Variants in KHDRBS2 observed in about 807,000 individuals in gnomAD.
The protein encoded by KHDRBS2 is KH domain-containing, RNA-binding, signal transduction-associated protein 2.
A neutral mutation model predicts 44.3 loss-of-function variants in KHDRBS2; 26 were observed. The ratio of observed to expected loss-of-function variants is 0.59; its 90% confidence interval spans 0.43 to 0.81. The LOEUF (loss-of-function observed/expected upper bound fraction) is 0.81, where lower values mean the gene tolerates loss of function less well. KHDRBS2 is among the 40% of genes least tolerant of loss of function. The pLI, the probability that KHDRBS2 is intolerant of heterozygous loss-of-function variation, is 0.00. For synonymous variants in KHDRBS2, 194 were observed against 151.1 expected, an observed-to-expected ratio of 1.28 and a Z score of -2.08; for missense variants, 476 against 433.1, an observed-to-expected ratio of 1.10 and a Z score of -0.88.
intron 2 of KHDRBS2, among the ~76,000 whole-genome samples, chr6:62,156,159 C>T (rs953685664): frequency 1.3e-5 from 2 of 152,106 alleles, no homozygotes; most frequent in African/African-American, 4.8e-5. Flanking sequence ...CACTTCATAG[C>T]TCAGGTACCG....
chr6:61,583,970 T>A, the KHDRBS2 span, among the ~76,000 whole-genome samples: 2 of 151,682 alleles, frequency 1.3e-5, no homozygotes, highest in African/African-American at 2.4e-5. Context: ...ATGTTTTGAA[T>A]GCTATTGTAG....
chr6:62,079,652 C>T (rs918740575), intron 2 of KHDRBS2, among the ~76,000 whole-genome samples: 4 of 151,978 alleles, frequency 2.6e-5, no homozygotes, highest in Non-Finnish European at 5.9e-5. Flanking sequence ...TTTCGAATTA[C>T]TTAATCCCAT....
chr6:61,946,578 C>T (rs1249250492), intron 4 of KHDRBS2, among the ~76,000 whole-genome samples: 2 of 152,086 alleles, frequency 1.3e-5, no homozygotes, highest in African/African-American at 2.4e-5. Flanking sequence ...TCAGATGACT[C>T]ATATGAACAT....
intron 6 of KHDRBS2, among the ~76,000 whole-genome samples, chr6:61,763,515 C>A (rs1211444117): frequency 2.0e-5 from 3 of 152,100 alleles, no homozygotes; most frequent in Non-Finnish European, 2.9e-5. Context: ...GAATTTCCGA[C>A]CAAGTTCTAA....
At chr6:61,888,554 CTAATTCCTT>C (rs1445452719) in intron 6 of KHDRBS2, among the ~76,000 whole-genome samples, 3 of 139,320 alleles carry the variant, frequency 2.2e-5, no homozygotes, top group Admixed American at 7.8e-5. Flanking sequence ...TTATAGTTTT[CTAATTCCTT>C]TTTTTTTTTT....
At chr6:61,648,315 CTT>C in the KHDRBS2 span, among the ~76,000 whole-genome samples, 1 of 151,984 alleles carries the variant, frequency 6.6e-6, no homozygotes, top group African/African-American at 2.4e-5. Flanking sequence ...ATCCTAATGT[CTT>C]TGTTTAGATA....
intron 5 of KHDRBS2, among the ~76,000 whole-genome samples, chr6:61,899,620 T>C (rs1803552026): frequency 6.6e-6 from 1 of 151,768 alleles, no homozygotes; most frequent in Admixed American, 6.6e-5. Context: ...TCTTATATGG[T>C]CCACTCAAAA....
At chr6:62,134,510 G>C (rs765159789) in intron 2 of KHDRBS2, among the ~76,000 whole-genome samples, 23 of 152,192 alleles carry the variant, frequency 1.5e-4, no homozygotes, top group Non-Finnish European at 3.2e-4. Flanking sequence ...TCCCCACACA[G>C]AGTCCCCACT....
intron 6 of KHDRBS2, among the ~76,000 whole-genome samples, chr6:61,747,468 A>C (rs1463992849): frequency 6.6e-6 from 1 of 152,186 alleles, no homozygotes; most frequent in East Asian, 1.9e-4. Flanking sequence ...TATTTTTTCA[A>C]TTAGAAAGAA....
chr6:62,260,356 T>C (rs568339482), intron 1 of KHDRBS2, among the ~76,000 whole-genome samples: 8 of 152,130 alleles, frequency 5.3e-5, no homozygotes, highest in Admixed American at 5.2e-4. Flanking sequence ...AAGGGTAGAA[T>C]GACCTTTTGT....
At chr6:61,598,515 C>G in the KHDRBS2 span, among the ~76,000 whole-genome samples, 1 of 152,124 alleles carries the variant, frequency 6.6e-6, no homozygotes, top group Non-Finnish European at 1.5e-5. Context: ...GCCCCATAGA[C>G]AGAAGATTAA....
chr6:61,622,866 T>C, the KHDRBS2 span, among the ~76,000 whole-genome samples: 1 of 151,974 alleles, frequency 6.6e-6, no homozygotes, highest in Non-Finnish European at 1.5e-5. Flanking sequence ...AAGCCAGGGC[T>C]GATGGTCAGA....
At chr6:61,918,667 T>A (rs1252430857) in intron 4 of KHDRBS2, among the ~76,000 whole-genome samples, 1 of 151,954 alleles carries the variant, frequency 6.6e-6, no homozygotes, top group Non-Finnish European at 1.5e-5. Flanking sequence ...GTTAGGACAG[T>A]CTGAGCTAAG....
intron 1 of KHDRBS2, among the ~76,000 whole-genome samples, chr6:62,267,933 A>G (rs1209428082): frequency 6.6e-6 from 1 of 152,086 alleles, no homozygotes; most frequent in Non-Finnish European, 1.5e-5. Flanking sequence ...CATAAGACGA[A>G]ATCGATATTT....
intron 1 of KHDRBS2, among the ~76,000 whole-genome samples, chr6:62,203,592 A>T (rs754292710): frequency 1.3e-4 from 20 of 152,044 alleles, no homozygotes; most frequent in Non-Finnish European, 2.2e-4. Context: ...TTTGTGTAAG[A>T]TGTTATGAGC....
intron 6 of KHDRBS2, chr6:61,816,662 ATC>A: frequency 4.5e-6 from 2 of 441,114 alleles, no homozygotes; most frequent in Non-Finnish European, 9.2e-6. Context: ...TACAAGCGTT[ATC>A]TGTTTTGAAA....
At chr6:61,993,665 ATATATATATTTTTTTT>A (rs1251395079) in intron 3 of KHDRBS2, among the ~76,000 whole-genome samples, 34 of 123,710 alleles carry the variant, frequency 2.7e-4, no homozygotes, top group East Asian at 1.0e-3. Context: ...ATATATATAT[ATATATATATTTTTTTT>A]TTTTGATGTG....
chr6:61,565,748 C>A, the KHDRBS2 span, among the ~76,000 whole-genome samples: 8 of 151,986 alleles, frequency 5.3e-5, no homozygotes, highest in Non-Finnish European at 8.8e-5. Context: ...AATGTTTATA[C>A]ACATTTTTAT....
intron 4 of KHDRBS2, among the ~76,000 whole-genome samples, chr6:61,904,030 G>GC (rs1483160572): frequency 6.6e-6 from 1 of 152,270 alleles, no homozygotes; most frequent in African/African-American, 2.4e-5. Context: ...GCGGTGGTTT[G>GC]TTTTGTGCAA....
Sources: allele counts gnomAD v4.1 joint callset (sites outside exome capture counted in the v4.1 genomes callset), GRCh38; gene constraint gnomAD v4.1.1; transcripts MANE v1.5; gene names NCBI Gene and HGNC (gene_info 2026-07-23, HGNC 2026-07-21).